Variants in DTWD2 observed in about 807,000 individuals in gnomAD.
DTWD2 encodes tRNA-uridine aminocarboxypropyltransferase 2.
Under a neutral mutation model 31.8 loss-of-function variants are expected in DTWD2, and 39 were observed. The observed-to-expected ratio is 1.22, with a 90% confidence interval of 0.95 to 1.60. The LOEUF (loss-of-function observed/expected upper bound fraction) is 1.60. DTWD2 is among the 40% of genes most tolerant of loss of function. DTWD2 has a pLI of 0.00. For missense variants in DTWD2, 515 were observed against 381.5 expected (o/e 1.35, Z -2.92); for synonymous variants, 180 against 142.8 (o/e 1.26, Z -1.86).
intron 4 of DTWD2, among the ~76,000 whole-genome samples, chr5:118,890,374 A>T (rs1322125275): frequency 6.6e-6 from 1 of 152,138 alleles, no homozygotes; most frequent in African/African-American, 2.4e-5. Flanking sequence ...TTTTAAATTA[A>T]TTCATGTAAA....
At chr5:118,967,919 C>CT in intron 1 of DTWD2, among the ~76,000 whole-genome samples, 1 of 152,272 alleles carries the variant, frequency 6.6e-6, no homozygotes, top group South Asian at 2.1e-4. Flanking sequence ...TATTTATTAA[C>CT]TACAAAGGGA....
In DTWD2 at chr5:118,924,183, G is replaced by C. The variant is rs138021250; in HGVS notation, c.597+4354C>G. On this transcript the variant is annotated intron_variant, in intron 4 of 5. Transcript: ENST00000510708. ...GGTCTCACACAGCTGTTTATCAGCA[G>C]TTTAGCTACTAAGCATGTCATATCC... Among the ~76,000 whole-genome samples the C allele has an allele frequency of 1.2e-3, 176 of 152,326 alleles. 3 individuals carry two copies. Among genetic ancestry groups the C allele is most frequent in the East Asian group, 7.5e-3 (39 of 5,188 alleles).
chr5:118,905,695 A>T (rs1475589724), intron 4 of DTWD2, among the ~76,000 whole-genome samples: 4 of 152,168 alleles, frequency 2.6e-5, no homozygotes, highest in Non-Finnish European at 4.4e-5. Flanking sequence ...ATTTATGAAG[A>T]TAAAAATATT....
At chr5:118,940,775 C>G (rs1385450895) in intron 2 of DTWD2, among the ~76,000 whole-genome samples, 2 of 152,210 alleles carry the variant, frequency 1.3e-5, no homozygotes, top group African/African-American at 4.8e-5. Context: ...CTCAGGCAGT[C>G]TAGCTCCACA....
At chr5:118,848,284 T>A in intron 4 of DTWD2, 66 bp from the exon 5 acceptor site, 1 of 1,406,846 alleles carries the variant, frequency 7.1e-7, no homozygotes, top group Non-Finnish European at 9.5e-7. Flanking sequence ...GTTTGTGTTT[T>A]AAATACTAAT....
chr5:118,885,690 C>T (rs186091423), intron 4 of DTWD2, among the ~76,000 whole-genome samples: 4 of 149,950 alleles, frequency 2.7e-5, no homozygotes, highest in Non-Finnish European at 4.4e-5. Context: ...TTCTTGAACT[C>T]GGGAGGCAGA....
chr5:118,939,394 A>C, intron 2 of DTWD2, 104 bp from the exon 3 acceptor site: 1 of 1,039,974 alleles, frequency 9.6e-7, no homozygotes, highest in Non-Finnish European at 1.3e-6. Flanking sequence ...CATAACTTTC[A>C]CAAGTCTTTT....
chr5:118,861,000 C>A (rs943172825), intron 4 of DTWD2, among the ~76,000 whole-genome samples: 1 of 152,038 alleles, frequency 6.6e-6, no homozygotes. Flanking sequence ...ATAGTTAAGT[C>A]AGGATGAGAA....
chr5:118,879,392 T>C (rs1752690187), intron 4 of DTWD2, among the ~76,000 whole-genome samples: 1 of 152,010 alleles, frequency 6.6e-6, no homozygotes, highest in Non-Finnish European at 1.5e-5. Context: ...CCTTTGACTT[T>C]GGGAGGTCAA....
chr5:118,971,805 G>T (rs1405724488), intron 1 of DTWD2, among the ~76,000 whole-genome samples: 1 of 152,180 alleles, frequency 6.6e-6, no homozygotes, highest in Non-Finnish European at 1.5e-5. Context: ...AATCAAATTA[G>T]AACTGAAGGT....
chr5:118,865,028 CACAA>C (rs1752352499), intron 4 of DTWD2, among the ~76,000 whole-genome samples: 1 of 152,074 alleles, frequency 6.6e-6, no homozygotes, highest in Non-Finnish European at 1.5e-5. Flanking sequence ...AACACACACA[CACAA>C]ACACACACAC....
intron 4 of DTWD2, among the ~76,000 whole-genome samples, chr5:118,921,521 TAAA>T (rs533019780): frequency 1.5e-5 from 2 of 131,306 alleles, no homozygotes; most frequent in African/African-American, 2.8e-5. Context: ...CCCCATCTCT[TAAA>T]AAAAAAAAAA....
At chr5:118,890,215 T>TCA (rs960062676) in intron 4 of DTWD2, among the ~76,000 whole-genome samples, 8 of 152,202 alleles carry the variant, frequency 5.3e-5, no homozygotes, top group Non-Finnish European at 1.0e-4. Flanking sequence ...AGGAATAAAG[T>TCA]CAGTCTGACA....
chr5:118,846,949 CACA>C (rs1324730285), intron 5 of DTWD2, among the ~76,000 whole-genome samples: 1 of 129,238 alleles, frequency 7.7e-6, no homozygotes, highest in East Asian at 2.0e-4. Flanking sequence ...CACACACACA[CACA>C]CACACACACA....
intron 4 of DTWD2, among the ~76,000 whole-genome samples, chr5:118,871,748 A>G (rs1381538983): frequency 6.6e-6 from 1 of 152,200 alleles, no homozygotes; most frequent in African/African-American, 2.4e-5. Flanking sequence ...ATGATTTTTA[A>G]GGACCTTAGG....
intron 1 of DTWD2, among the ~76,000 whole-genome samples, chr5:118,963,456 G>C (rs959727056): frequency 1.3e-5 from 2 of 152,212 alleles, no homozygotes; most frequent in Non-Finnish European, 2.9e-5. Context: ...AGGAGGAAGA[G>C]ATGAGTGGAC....
chr5:118,916,315 G>T (rs1753575478), intron 4 of DTWD2, among the ~76,000 whole-genome samples: 1 of 152,066 alleles, frequency 6.6e-6, no homozygotes, highest in African/African-American at 2.4e-5. Context: ...TTGTTATTTA[G>T]TGGCAGTAAA....
intron 1 of DTWD2, among the ~76,000 whole-genome samples, chr5:118,977,530 C>G (rs902852766): frequency 5.3e-5 from 8 of 152,074 alleles, no homozygotes; most frequent in African/African-American, 1.9e-4. Flanking sequence ...ACAAGCATTC[C>G]TATGTACCAA....
intron 3 of DTWD2, among the ~76,000 whole-genome samples, chr5:118,937,779 C>T (rs1754077654): frequency 6.6e-6 from 1 of 152,188 alleles, no homozygotes; most frequent in African/African-American, 2.4e-5. Context: ...GTTGAATCCC[C>T]TGTTGTTTCC....
Sources: allele counts gnomAD v4.1 joint callset (sites outside exome capture counted in the v4.1 genomes callset), GRCh38; gene constraint gnomAD v4.1.1; transcripts MANE v1.5; gene names NCBI Gene and HGNC (gene_info 2026-07-23, HGNC 2026-07-21).